PDGFC: variants seen among roughly 807,000 people sequenced by gnomAD.
PDGFC encodes the protein platelet derived growth factor C.
In PDGFC, 12 loss-of-function variants were observed where a neutral mutation model predicts 35.5. The observed-to-expected ratio is 0.34, with a 90% CI of 0.22 to 0.55. PDGFC has a LOEUF of 0.55. PDGFC is among the 20% of genes least tolerant of loss of function. The probability of loss-of-function intolerance (pLI) is 0.91; values close to 1 mark genes in which losing one functional copy is unlikely to be tolerated. For missense variants in PDGFC, 322 were observed against 412.4 expected, an observed-to-expected ratio of 0.78 and a Z score of 1.90; for synonymous variants, 159 against 148.8, an observed-to-expected ratio of 1.07 and a Z score of -0.50.
chr4:156,854,598 C>T (rs533174735), intron 1 of PDGFC, among the ~76,000 whole-genome samples: 2 of 147,560 alleles, frequency 1.4e-5, no homozygotes, highest in East Asian at 3.9e-4. Context: ...AAATCTCAAG[C>T]AACTAGGCCT....
Position 156,844,452 on chromosome 4 carries a change from C to T in PDGFC, c.314+5769G>A, listed in dbSNP as rs181159554. Among the ~76,000 whole-genome samples the T allele has an allele frequency of 2.5e-3, 376 of 151,952 alleles. 5 individuals carry two copies. Among genetic ancestry groups the T allele is most frequent in the Admixed American group, 7.6e-3 (116 of 15,258 alleles). On this transcript the variant is annotated intron_variant, in intron 2 of 5. Coordinates refer to ENST00000502773, the MANE Select transcript of PDGFC (RefSeq NM_016205.3). The stretch of plus-strand genomic sequence containing the variant: ...AGTAATAGAATAGAATCCAAAATAT[C>T]CATACAAACAATCCACGTACTAGAT...
intron 2 of PDGFC, among the ~76,000 whole-genome samples, chr4:156,811,930 C>T (rs764917552): frequency 6.6e-6 from 1 of 151,998 alleles, no homozygotes; most frequent in Non-Finnish European, 1.5e-5. Context: ...TGAGTATTTG[C>T]CCCATGTCCT....
At chr4:156,860,961 C>A (rs1729696981) in intron 1 of PDGFC, among the ~76,000 whole-genome samples, 1 of 151,744 alleles carries the variant, frequency 6.6e-6, no homozygotes, top group South Asian at 2.1e-4. Context: ...TTCTTTCTGC[C>A]CAATTAAAAT....
At chr4:156,785,801 AC>A (rs1205570681) in intron 3 of PDGFC, among the ~76,000 whole-genome samples, 1 of 152,170 alleles carries the variant, frequency 6.6e-6, no homozygotes, top group Non-Finnish European at 1.5e-5. Flanking sequence ...GGGCTAGAAT[AC>A]TCAGGAGGTG....
chr4:156,905,173 T>C (rs1730883634), intron 1 of PDGFC, among the ~76,000 whole-genome samples: 1 of 152,110 alleles, frequency 6.6e-6, no homozygotes, highest in African/African-American at 2.4e-5. Context: ...AAATAAATAC[T>C]AATTTCAAAT....
intron 1 of PDGFC, among the ~76,000 whole-genome samples, chr4:156,945,914 G>A (rs922710222): frequency 2.6e-5 from 4 of 152,000 alleles, no homozygotes; most frequent in Non-Finnish European, 4.4e-5. Flanking sequence ...GGAGCTGATC[G>A]CGTCTGATCC....
chr4:156,895,349 T>C (rs948107511), intron 1 of PDGFC, among the ~76,000 whole-genome samples: 13 of 152,178 alleles, frequency 8.5e-5, no homozygotes, highest in African/African-American at 3.1e-4. Context: ...AATGAGTGGG[T>C]GTCAGCTGGG....
intron 2 of PDGFC, among the ~76,000 whole-genome samples, chr4:156,825,920 G>A (rs55824166): frequency 0.015 from 2,313 of 150,516 alleles, 59 homozygotes; most frequent in African/African-American, 0.053. Flanking sequence ...CTAGATTAGA[G>A]TGCAGTAGCA....
At chr4:156,769,072 A>T (rs993102819) in intron 4 of PDGFC, among the ~76,000 whole-genome samples, 2 of 151,912 alleles carry the variant, frequency 1.3e-5, no homozygotes, top group African/African-American at 4.8e-5. Flanking sequence ...ACTTTCAGAT[A>T]ACATATATGC....
intron 2 of PDGFC, among the ~76,000 whole-genome samples, chr4:156,834,236 C>A (rs1329938905): frequency 1.3e-5 from 2 of 152,124 alleles, no homozygotes; most frequent in Admixed American, 6.6e-5. Context: ...AGAGGAGTGT[C>A]ACAATTTGCA....
chr4:156,884,518 G>C (rs1730329204), intron 1 of PDGFC, among the ~76,000 whole-genome samples: 1 of 152,096 alleles, frequency 6.6e-6, no homozygotes, highest in Non-Finnish European at 1.5e-5. Flanking sequence ...TAATATCTTA[G>C]ACAGTCGAGT....
intron 1 of PDGFC, among the ~76,000 whole-genome samples, chr4:156,961,285 C>T (rs1417314126): frequency 1.3e-5 from 2 of 152,000 alleles, no homozygotes; most frequent in African/African-American, 4.8e-5. Context: ...CTTATAAATA[C>T]GCAGCAAAAT....
intron 1 of PDGFC, among the ~76,000 whole-genome samples, chr4:156,933,902 A>G (rs1029130727): frequency 1.3e-5 from 2 of 152,116 alleles, no homozygotes; most frequent in Non-Finnish European, 2.9e-5. Context: ...AAGTTTCCCA[A>G]GGCCTCCCCA....
chr4:156,835,890 C>G (rs977843280), intron 2 of PDGFC: 19 of 152,134 alleles, frequency 1.2e-4, no homozygotes, highest in African/African-American at 4.3e-4. Context: ...ACTTTGTGTA[C>G]TGAAAAATGC....
intron 1 of PDGFC, among the ~76,000 whole-genome samples, chr4:156,920,644 AACACACACACACACACACACACACACAC>A (rs10611712): frequency 7.6e-6 from 1 of 132,002 alleles, no homozygotes; most frequent in African/African-American, 3.3e-5. Context: ...AGGAAAAGAA[AACACACACACACACACACACACACACAC>A]ACACACACAC....
intron 1 of PDGFC, among the ~76,000 whole-genome samples, chr4:156,959,253 G>A (rs1229087843): frequency 2.0e-5 from 3 of 151,826 alleles, no homozygotes; most frequent in Non-Finnish European, 2.9e-5. Context: ...CGCACTAAAC[G>A]AAAACAAACA....
intron 3 of PDGFC, among the ~76,000 whole-genome samples, chr4:156,796,965 T>C (rs1466175927): frequency 1.3e-5 from 2 of 151,996 alleles, no homozygotes; most frequent in East Asian, 3.9e-4. Flanking sequence ...ATGCCAGGTG[T>C]GGTGGCTCAC....
rs552424817 is a variant in PDGFC at position 156,848,276 on chromosome 4, T to C, written c.314+1945A>G. 9.2e-5 allele frequency among the ~76,000 whole-genome samples: 14 copies of C among 151,974 alleles called. No homozygotes were observed. In the South Asian group the frequency reaches 2.7e-3, roughly 29 times the overall value. On this transcript the variant is annotated intron_variant, in intron 2 of 5. Coordinates refer to ENST00000502773, the MANE Select transcript of PDGFC (RefSeq NM_016205.3). ...TTTTAAAAGACAGATCAGAAGTTGG[T>C]GAGAATGCTGTGCAACAAAAATTTT...
intron 1 of PDGFC, chr4:156,886,917 T>C (rs1730389832): frequency 6.6e-6 from 1 of 152,196 alleles, no homozygotes; most frequent in African/African-American, 2.4e-5. Context: ...ACTATAGACA[T>C]CTTATTATAT....
Sources: gnomAD v4.1 joint callset for allele counts (sites outside exome capture counted in the v4.1 genomes callset) on GRCh38, gnomAD v4.1.1 for gene constraint, MANE v1.5 for transcripts, NCBI Gene and HGNC (gene_info 2026-07-23, HGNC 2026-07-21) for gene names.